The following ANKS1B variants were observed in gnomAD, a reference collection of about 807,000 sequenced individuals.
ANKS1B encodes ankyrin repeat and sterile alpha motif domain containing 1B.
In ANKS1B, 36 loss-of-function variants were observed where a neutral mutation model predicts 148.3. The observed-to-expected ratio is 0.24, with a 90% confidence interval of 0.19 to 0.32. The LOEUF is 0.32. Among genes scored for constraint, ANKS1B ranks in the 10% least tolerant of loss-of-function variants. ANKS1B has a pLI of 1.00. For synonymous variants in ANKS1B, 542 were observed against 560.8 expected, an observed-to-expected ratio of 0.97 and a Z score of 0.47; for missense variants, 1,157 against 1,542.6, an observed-to-expected ratio of 0.75 and a Z score of 4.19.
intron 12 of ANKS1B, among the ~76,000 whole-genome samples, chr12:99,262,998 T>C (rs1304778523): frequency 1.3e-5 from 2 of 152,036 alleles, no homozygotes; most frequent in African/African-American, 4.8e-5. Flanking sequence ...TATTACTGAG[T>C]GCTTATAGGT....
At chr12:99,863,306 G>GA (rs2090282130) in intron 1 of ANKS1B, among the ~76,000 whole-genome samples, 1 of 151,796 alleles carries the variant, frequency 6.6e-6, no homozygotes, top group Admixed American at 6.6e-5. Context: ...CTGAAAAAAA[G>GA]AAAAAAACTC....
At chr12:99,778,425 T>C (rs907976959) in intron 6 of ANKS1B, among the ~76,000 whole-genome samples, 2 of 149,968 alleles carry the variant, frequency 1.3e-5, no homozygotes, top group Non-Finnish European at 3.0e-5. Flanking sequence ...GGAGAATCAC[T>C]TGAACCCGGG....
At chr12:98,965,997 T>C (rs978745557) in intron 17 of ANKS1B, among the ~76,000 whole-genome samples, 10 of 152,242 alleles carry the variant, frequency 6.6e-5, no homozygotes, top group East Asian at 5.8e-4. Flanking sequence ...GGCAAGGACT[T>C]CATGTCTAAA....
Position 99,941,702 on chromosome 12 carries a change from G to A in ANKS1B, c.134+42402C>T, listed in dbSNP as rs553921824. ...GATCTCCTAGCTAAGATAAGGAAAG[G>A]CATCATAGAGGAAGGAGCATTTAAG... On this transcript the variant is annotated intron_variant, in intron 1 of 26. Transcript: ENST00000683438. 4.6e-5 allele frequency among the ~76,000 whole-genome samples: 7 copies of A among 152,248 alleles called. No homozygotes were observed. In the South Asian group the frequency reaches 1.4e-3, roughly 32 times the overall value.
chr12:99,086,063 T>C (rs2051665593), intron 15 of ANKS1B, among the ~76,000 whole-genome samples: 2 of 152,060 alleles, frequency 1.3e-5, no homozygotes, highest in Non-Finnish European at 1.5e-5. Flanking sequence ...GATATGAAGA[T>C]TGAATGATGA....
At chr12:99,911,289 G>A (rs1305891428) in intron 1 of ANKS1B, among the ~76,000 whole-genome samples, 2 of 152,008 alleles carry the variant, frequency 1.3e-5, no homozygotes, top group Non-Finnish European at 2.9e-5. Context: ...AAAAATCCCA[G>A]AACCAAAAGC....
intron 17 of ANKS1B, among the ~76,000 whole-genome samples, chr12:98,947,306 A>G (rs550629404): frequency 5.9e-5 from 9 of 152,316 alleles, no homozygotes; most frequent in African/African-American, 2.2e-4. Flanking sequence ...GAGCTGACTT[A>G]GAAGGCCACA....
intron 17 of ANKS1B, among the ~76,000 whole-genome samples, chr12:98,907,591 C>T (rs550393541): frequency 9.5e-4 from 145 of 152,298 alleles, no homozygotes; most frequent in Non-Finnish European, 1.6e-3. Flanking sequence ...TCGACATGGA[C>T]GGTCATCCAC....
chr12:99,373,681 T>A (rs1241762558), intron 12 of ANKS1B, among the ~76,000 whole-genome samples: 1 of 152,126 alleles, frequency 6.6e-6, no homozygotes, highest in East Asian at 1.9e-4. Context: ...GAATACTTGT[T>A]TCATTTTTTG....
intron 10 of ANKS1B, among the ~76,000 whole-genome samples, chr12:99,465,324 G>C (rs546045856): frequency 1.3e-3 from 205 of 152,290 alleles, no homozygotes; most frequent in Admixed American, 2.3e-3. Context: ...ACCAGTACCA[G>C]CCACTGCAAA....
intron 14 of ANKS1B, among the ~76,000 whole-genome samples, chr12:99,230,148 G>A (rs2086603381): frequency 6.6e-6 from 1 of 152,014 alleles, no homozygotes; most frequent in Admixed American, 6.6e-5. Flanking sequence ...TTTTCCATAT[G>A]AAGAAGTGAA....
chr12:99,038,319 C>T (rs1015278796), intron 17 of ANKS1B, among the ~76,000 whole-genome samples: 1 of 152,144 alleles, frequency 6.6e-6, no homozygotes, highest in African/African-American at 2.4e-5. Flanking sequence ...AAAACATTTC[C>T]ACCGATCCTT....
intron 8 of ANKS1B, among the ~76,000 whole-genome samples, chr12:99,700,231 C>A (rs1024109387): frequency 2.0e-5 from 3 of 152,100 alleles, no homozygotes; most frequent in African/African-American, 7.2e-5. Flanking sequence ...GTTTACTCAG[C>A]CAAGTGCTTG....
At chr12:99,106,036 G>C (rs750582915) in intron 15 of ANKS1B, among the ~76,000 whole-genome samples, 25 of 152,114 alleles carry the variant, frequency 1.6e-4, no homozygotes, top group Admixed American at 6.6e-4. Context: ...ATATCCCTTA[G>C]ACAGTCTGTG....
chr12:98,781,021 G>C, intron 24 of ANKS1B, 96 bp downstream of exon 24: 1 of 710,140 alleles, frequency 1.4e-6, no homozygotes. Flanking sequence ...GATGATTACA[G>C]TGGGGAGTGC....
intron 9 of ANKS1B, among the ~76,000 whole-genome samples, chr12:99,593,314 CAT>C (rs1410677148): frequency 1.3e-5 from 2 of 151,942 alleles, no homozygotes; most frequent in African/African-American, 4.8e-5. Context: ...TCAAAGAAAA[CAT>C]TAATTTTGGT....
At chr12:99,353,985 G>A (rs1480808789) in intron 12 of ANKS1B, among the ~76,000 whole-genome samples, 1 of 152,044 alleles carries the variant, frequency 6.6e-6, no homozygotes, top group Non-Finnish European at 1.5e-5. Flanking sequence ...ATGCATCTAT[G>A]TTTATGCAAA....
At chr12:99,199,024 A>T (rs548329338) in intron 14 of ANKS1B, among the ~76,000 whole-genome samples, 1 of 152,270 alleles carries the variant, frequency 6.6e-6, no homozygotes, top group Non-Finnish European at 1.5e-5. Flanking sequence ...AGAAAAACTA[A>T]GGTCTTCCAG....
chr12:99,320,805 C>T (rs2085117748), intron 12 of ANKS1B, among the ~76,000 whole-genome samples: 1 of 152,102 alleles, frequency 6.6e-6, no homozygotes, highest in Non-Finnish European at 1.5e-5. Flanking sequence ...AACTTTTGTG[C>T]TCTGGTTTCT....
Sources: allele counts gnomAD v4.1 joint callset (sites outside exome capture counted in the v4.1 genomes callset), GRCh38; gene constraint gnomAD v4.1.1; transcripts MANE v1.5; gene names NCBI Gene and HGNC (gene_info 2026-07-23, HGNC 2026-07-21).